The following NADK2 variants were observed in gnomAD, a reference collection of about 807,000 sequenced individuals.
The protein encoded by NADK2 is NAD kinase 2, mitochondrial.
NADK2 carries 35 observed loss-of-function variants against 62.1 expected under a neutral mutation model. The ratio of observed to expected loss-of-function variants is 0.56; its 90% CI spans 0.43 to 0.75. The LOEUF (loss-of-function observed/expected upper bound fraction) is 0.75, where lower values mean the gene tolerates loss of function less well. Ranked by LOEUF, NADK2 falls within the 30% of genes least tolerant of loss-of-function variation. NADK2 has a pLI of 0.00. For synonymous variants in NADK2, 205 were observed against 207.9 expected, an observed-to-expected ratio of 0.99 and a Z score of 0.12; for missense variants, 439 against 561.3, an observed-to-expected ratio of 0.78 and a Z score of 2.20.
At chr5:36,200,396 T>A in intron 9 of NADK2, 116 bp from the exon 10 acceptor site, 1 of 429,756 alleles carries the variant, frequency 2.3e-6, no homozygotes, top group Non-Finnish European at 3.7e-6. Context: ...TATATATATA[T>A]GTTATTATGT....
intron 1 of NADK2, 54 bp from the exon 2 acceptor site, chr5:36,227,619 T>C: frequency 1.0e-6 from 1 of 959,712 alleles, no homozygotes; most frequent in Non-Finnish European, 1.4e-6. Flanking sequence ...CACATGATGT[T>C]CTAATATTAT....
chr5:36,234,866 C>T (rs1747845496), intron 1 of NADK2, among the ~76,000 whole-genome samples: 1 of 152,056 alleles, frequency 6.6e-6, no homozygotes, highest in South Asian at 2.1e-4. Flanking sequence ...GTCTTTTCTC[C>T]CCTTCATCCC....
At chr5:36,238,589 GT>G (rs1486480058) in intron 1 of NADK2, among the ~76,000 whole-genome samples, 1 of 152,134 alleles carries the variant, frequency 6.6e-6, no homozygotes, top group Non-Finnish European at 1.5e-5. Context: ...TTCCAAGTCA[GT>G]TTTGTTTCAT....
chr5:36,209,751 A>C (rs1746770290), intron 7 of NADK2, among the ~76,000 whole-genome samples: 1 of 151,920 alleles, frequency 6.6e-6, no homozygotes, highest in Non-Finnish European at 1.5e-5. Context: ...TATACTTTTA[A>C]CTCTTTTTTA....
chr5:36,222,710 A>G (rs757384640), intron 4 of NADK2, among the ~76,000 whole-genome samples: 2 of 152,208 alleles, frequency 1.3e-5, no homozygotes, highest in Non-Finnish European at 2.9e-5. Flanking sequence ...TTAGAAGGAG[A>G]GAGACTGTAA....
chr5:36,200,158 CTT>C (rs1469809311), intron 10 of NADK2, 67 bp downstream of exon 10: 3 of 1,141,246 alleles, frequency 2.6e-6, no homozygotes, highest in Non-Finnish European at 3.6e-6. Flanking sequence ...TTAAACAACA[CTT>C]CACACTATCA....
chr5:36,209,800 T>C (rs1165649237), intron 7 of NADK2, among the ~76,000 whole-genome samples: 4 of 152,160 alleles, frequency 2.6e-5, no homozygotes, highest in African/African-American at 9.6e-5. Context: ...GATACCACTA[T>C]CTTTGTTATT....
intron 1 of NADK2, among the ~76,000 whole-genome samples, chr5:36,239,421 A>C (rs755562370): frequency 4.6e-5 from 7 of 152,210 alleles, no homozygotes; most frequent in Non-Finnish European, 7.3e-5. Flanking sequence ...TGTAATGACA[A>C]CACCACCAAC....
At chr5:36,242,028 G>T, upstream of NADK2, 1 of 236,102 alleles carries the variant, frequency 4.2e-6, no homozygotes, top group Non-Finnish European at 8.1e-6. Flanking sequence ...GCGGGAGAAA[G>T]GTGGGCGGGG....
In NADK2 at chr5:36,219,581, G is replaced by GT. The variant is rs1173779873; in HGVS notation, c.644+14dup. 23 of 1,603,636 alleles carry GT rather than the reference G, an allele frequency of 1.4e-5. No homozygotes were observed. The highest frequency in any genetic ancestry group is 1.7e-5 in the Non-Finnish European group (20 of 1,171,342). On this transcript the variant is annotated intron_variant, in intron 5 of 11. Coordinates refer to ENST00000381937, the MANE Select transcript of NADK2 (RefSeq NM_001085411.3). ...TTAAGATACTTACATAAGAACAACC[G>GT]TAAGAAATTCCTACCTGAACTCACC...
At chr5:36,226,046 C>T (rs972500143) in intron 3 of NADK2, among the ~76,000 whole-genome samples, 7 of 152,140 alleles carry the variant, frequency 4.6e-5, no homozygotes, top group Non-Finnish European at 7.4e-5. Flanking sequence ...CTCTTCAACA[C>T]CTGCTGTCAA....
In NADK2 at chr5:36,241,794, G is replaced by A. The variant is rs2112225971; in HGVS notation, c.5C>T (p.Thr2Ile). The A allele has an allele frequency of 7.5e-7, 1 of 1,333,540 alleles. No individual in the cohort carries two copies. Among genetic ancestry groups the A allele is most frequent in the East Asian group, 3.4e-5 (1 of 29,564 alleles). 82.6% of individuals were successfully genotyped at this position (1,333,540 alleles called of 1,614,324 possible). M[T>I]CYRGFLLGSC... ...GCCCAGCAAGAAGCCTCGGTAGCAA[G>A]TCATCGTGGGCCGGGCCGCGGCCGC... is the stretch of plus-strand genomic sequence containing the variant. Residue 2 changes from threonine to isoleucine, a missense_variant, in exon 1 of 12, where the codon ACT becomes ATT. Transcript: ENST00000381937. This position sits in a 1 kb window ranked among gnomAD's most constrained non-coding sequence, Gnocchi z 4.9.
intron 6 of NADK2, among the ~76,000 whole-genome samples, chr5:36,216,489 G>T (rs922219414): frequency 6.6e-6 from 1 of 151,682 alleles, no homozygotes; most frequent in Non-Finnish European, 1.5e-5. Context: ...TAAAATCTTT[G>T]CCTAGACCAA....
intron 4 of NADK2, 135 bp from the exon 5 acceptor site, chr5:36,219,814 A>AT (rs1747197130): frequency 9.7e-6 from 6 of 618,820 alleles, no homozygotes; most frequent in South Asian, 4.8e-5. Flanking sequence ...CCTATATTCC[A>AT]TTTTTTGCCA....
chr5:36,211,294 T>C (rs912527617), intron 7 of NADK2, among the ~76,000 whole-genome samples: 9 of 152,236 alleles, frequency 5.9e-5, no homozygotes, highest in South Asian at 2.1e-4. Flanking sequence ...TAAATGTCCA[T>C]TGAATCTTCA....
chr5:36,218,185 G>A (rs1273263804), intron 5 of NADK2: 1 of 205,286 alleles, frequency 4.9e-6, no homozygotes, highest in Non-Finnish European at 9.9e-6. Flanking sequence ...GCTAGATATA[G>A]CTTGTGCTTT....
intron 4 of NADK2, among the ~76,000 whole-genome samples, chr5:36,223,231 A>T (rs182711341): frequency 8.3e-4 from 126 of 152,302 alleles, no homozygotes; most frequent in African/African-American, 3.0e-3. Context: ...CACGACAAAA[A>T]AAAAATCTAG....
rs544995471 is a variant in NADK2, at chr5:36,209,751, ACT to A, written c.860+2091_860+2092del. ...ATTTTTATACTTTACTATACTTTTA[ACT>A]CTTTTTTAAATTATGTATTACTCTC... On this transcript the variant is annotated intron_variant, in intron 7 of 11. Transcript: ENST00000381937. Among the ~76,000 whole-genome samples, 482 of 152,038 alleles carry A rather than the reference ACT, an allele frequency of 3.2e-3. 2 individuals are homozygous for A. The highest frequency in any genetic ancestry group is 0.011 in the African/African-American group (457 of 41,512).
chr5:36,195,964 TGTAATA>T (rs1428588074), intron 11 of NADK2, among the ~76,000 whole-genome samples: 7 of 136,136 alleles, frequency 5.1e-5, no homozygotes, highest in African/African-American at 1.7e-4. Flanking sequence ...TATTAGTACA[TGTAATA>T]GTAATAGTAG....
Sources: gnomAD v4.1 joint callset for allele counts (sites outside exome capture counted in the v4.1 genomes callset) on GRCh38, gnomAD v4.1.1 for gene constraint, Gnocchi (gnomAD v3.1) non-coding constraint, MANE v1.5 for transcripts, NCBI Gene and HGNC (gene_info 2026-07-23, HGNC 2026-07-21) for gene names.